Variants in INPP4A observed in about 807,000 individuals in gnomAD.
INPP4A encodes inositol polyphosphate-4-phosphatase type I A, also known as inositol polyphosphate-4-phosphatase, type I, 107kD.
Under a neutral mutation model 119.8 loss-of-function variants are expected in INPP4A, and 33 were observed. That is an observed-to-expected ratio of 0.28 (90% confidence interval 0.21 to 0.37). The LOEUF (loss-of-function observed/expected upper bound fraction) is 0.37. INPP4A is among the 10% of genes least tolerant of loss of function. INPP4A has a pLI of 1.00. For synonymous variants in INPP4A, 496 were observed against 500.7 expected (o/e 0.99, Z 0.12); for missense variants, 956 against 1,289.9 (o/e 0.74, Z 3.97).
At chr2:98,549,785 C>T (rs2106153218) in intron 13 of INPP4A, among the ~76,000 whole-genome samples, 1 of 152,264 alleles carries the variant, frequency 6.6e-6, no homozygotes, top group African/African-American at 2.4e-5. Flanking sequence ...CAACTTCCCC[C>T]TGGGGGTCCT....
chr2:98,589,561 C>T lies in INPP4A; in HGVS notation c.*1953C>T, dbSNP rs896851282. On this transcript the variant is annotated 3_prime_UTR_variant, in exon 25 of 25. Transcript: ENST00000409851. ...GTGACACCTTTATATGAATTATTTT[C>T]CCAATTTTTGCTCTATGTAATGGGT... 2 of 179,368 alleles carry T rather than the reference C, an allele frequency of 1.1e-5. No individual in the cohort carries two copies. The highest frequency in any genetic ancestry group is 2.4e-5 in the Non-Finnish European group (2 of 83,756). 11.1% of individuals were successfully genotyped at this position (179,368 alleles called of 1,614,324 possible).
chr2:98,517,031 T>A (rs1362997473), intron 1 of INPP4A, among the ~76,000 whole-genome samples: 1 of 152,130 alleles, frequency 6.6e-6, no homozygotes, highest in East Asian at 1.9e-4. Flanking sequence ...TTTCACACAG[T>A]AAAGTCTGTG....
At chr2:98,465,896 C>T (rs71429393) in intron 1 of INPP4A, among the ~76,000 whole-genome samples, 3,077 of 152,180 alleles carry the variant, frequency 0.02, 42 homozygotes, top group Middle Eastern at 0.071. Context: ...CACTCTAGCG[C>T]CCTCCCCCTT....
intron 1 of INPP4A, among the ~76,000 whole-genome samples, chr2:98,510,707 A>G (rs1358174234): frequency 1.3e-5 from 2 of 152,234 alleles, no homozygotes; most frequent in Non-Finnish European, 2.9e-5. Flanking sequence ...ATTGATGGCT[A>G]CATTTCAACA....
intron 13 of INPP4A, 191 bp from the exon 14 acceptor site, chr2:98,552,595 G>T: frequency 1.4e-6 from 1 of 721,982 alleles, no homozygotes; most frequent in Non-Finnish European, 2.5e-6. Context: ...AATATTTCAA[G>T]CTCCTGCCAT....
Position 98,546,095 on chromosome 2 carries a change from CTTG to C in INPP4A, c.1054+26_1054+28del. 6.7e-7 allele frequency: 1 copy of C among 1,485,728 alleles called. No individual in the cohort carries two copies. The highest frequency in any genetic ancestry group is 9.2e-7 in the Non-Finnish European group (1 of 1,085,072). The allele number at this position is 1,485,728 out of a possible 1,614,324, so 92.0% of individuals were successfully genotyped here. A position where few individuals can be genotyped will look rare whatever the true frequency, so the allele number is the denominator to read the frequency against. Reference sequence around the variant, plus strand: ...TCAGGTACCTATTTTTCTGCTCCCTCTTGTTGAATCACATTTCGCTGCTTTTCT... The same window carrying C: ...TCAGGTACCTATTTTTCTGCTCCCTCTTGAATCACATTTCGCTGCTTTTCT... On this transcript the variant is annotated intron_variant, in intron 12 of 24. Coordinates refer to ENST00000409851, the MANE Select transcript of INPP4A (RefSeq NM_001134225.2). The surrounding 1 kb of genome is among the most constrained non-coding windows in gnomAD (Gnocchi z 4.2).
intron 16 of INPP4A, among the ~76,000 whole-genome samples, chr2:98,556,529 G>A (rs1195495059): frequency 6.6e-6 from 1 of 152,202 alleles, no homozygotes; most frequent in Non-Finnish European, 1.5e-5. Context: ...AGATGTCTCC[G>A]CCTTTTCCTG....
chr2:98,549,321 T>G lies in INPP4A; in HGVS notation c.1163+2627T>G, dbSNP rs545354167. Reference sequence around the variant, plus strand: ...CTGGGTGCAGCTGGGAACTCCTGTCTTCTTATACAGGAGTCTTGTGGCTTT... The same window carrying G: ...CTGGGTGCAGCTGGGAACTCCTGTCGTCTTATACAGGAGTCTTGTGGCTTT... On this transcript the variant is annotated intron_variant, in intron 13 of 24. Transcript: ENST00000409851. Among the ~76,000 whole-genome samples, 369 of 152,272 alleles carry G rather than the reference T, an allele frequency of 2.4e-3. 2 individuals carry two copies. The highest frequency in any genetic ancestry group is 4.5e-3 in the Non-Finnish European group (304 of 68,024).
intron 13 of INPP4A, among the ~76,000 whole-genome samples, chr2:98,550,983 T>C (rs191438023): frequency 6.6e-6 from 1 of 151,676 alleles, no homozygotes; most frequent in Admixed American, 6.6e-5. Flanking sequence ...GGAGTCAGGG[T>C]CTTGCTCTGT....
chr2:98,560,945 T>A (rs1241184782), intron 17 of INPP4A, among the ~76,000 whole-genome samples: 1 of 152,242 alleles, frequency 6.6e-6, no homozygotes, highest in Non-Finnish European at 1.5e-5. Context: ...GTGTGTCAGC[T>A]GGGACATTTC....
At chr2:98,558,809 A>G (rs886634355) in intron 16 of INPP4A, among the ~76,000 whole-genome samples, 1 of 152,246 alleles carries the variant, frequency 6.6e-6, no homozygotes, top group Non-Finnish European at 1.5e-5. Flanking sequence ...GTGACTTAGT[A>G]TAGGTGAAAT....
intron 13 of INPP4A, among the ~76,000 whole-genome samples, chr2:98,552,339 G>T (rs1218562329): frequency 6.6e-6 from 1 of 152,006 alleles, no homozygotes; most frequent in South Asian, 2.1e-4. Context: ...GGTTGTTTGG[G>T]GACAAAGTCT....
intron 10 of INPP4A, among the ~76,000 whole-genome samples, chr2:98,542,274 C>A (rs1691615311): frequency 6.6e-6 from 1 of 152,262 alleles, no homozygotes; most frequent in Admixed American, 6.5e-5. Context: ...GCCCTACCTG[C>A]TCTGGGTGTC....
intron 1 of INPP4A, among the ~76,000 whole-genome samples, chr2:98,447,824 G>A (rs772877436): frequency 1.3e-5 from 2 of 152,012 alleles, no homozygotes; most frequent in East Asian, 1.9e-4. Context: ...GAGGCGGGCG[G>A]ATCACAAGAT....
intron 18 of INPP4A, 97 bp downstream of exon 18, chr2:98,563,734 G>T: frequency 8.3e-7 from 1 of 1,209,972 alleles, no homozygotes; most frequent in Non-Finnish European, 1.2e-6. Flanking sequence ...ACTTGTAAAA[G>T]ACCCCAGATG....
At chr2:98,484,253 A>G (rs3769733) in intron 1 of INPP4A, among the ~76,000 whole-genome samples, 36,892 of 151,640 alleles carry the variant, frequency 0.24, 4,626 homozygotes, top group Middle Eastern at 0.35. Flanking sequence ...TTCCTCTCCC[A>G]TGGTCATTCC....
Position 98,546,684 on chromosome 2 carries a change from A to T in INPP4A, c.1153A>T (p.Thr385Ser). ...LRKKLHKFEE[T>S]KKHTSSGCQS... Reference sequence around the variant, plus strand: ...CAAAAAGCTGCACAAATTTGAAGAGACCAAGAAACAGTAAGTAGCCAGAGA... The same window carrying T: ...CAAAAAGCTGCACAAATTTGAAGAGTCCAAGAAACAGTAAGTAGCCAGAGA... The change falls in exon 13 of 25, where the codon ACC (threonine) becomes TCC (serine). Residue 385 changes from threonine (T) to serine (S), a missense_variant. Around this residue, in one of 2 missense-constraint regions of INPP4A, gnomAD observed 652 missense variants for 797.9 expected, o/e 0.82. Coordinates refer to ENST00000409851, the MANE Select transcript of INPP4A (RefSeq NM_001134225.2). This position sits in a 1 kb window ranked among gnomAD's most constrained non-coding sequence, Gnocchi z 4.2. 1 of 1,600,906 alleles carries T rather than the reference A, an allele frequency of 6.2e-7. No homozygotes were observed. Among genetic ancestry groups the T allele is most frequent in the South Asian group, 1.1e-5 (1 of 90,840 alleles).
rs1032607612 is a variant in INPP4A at position 98,587,756 on chromosome 2, C to CA, written c.*149dup. Reference sequence around the variant, plus strand: ...ACATTTCACTAAAGAGTCTCTGGAGCATGTTTTTTGTTTTTTGGGTTTTTT... The same window carrying CA: ...ACATTTCACTAAAGAGTCTCTGGAGCAATGTTTTTTGTTTTTTGGGTTTTTT... On this transcript the variant is annotated 3_prime_UTR_variant, in exon 25 of 25. Transcript: ENST00000409851. 8.5e-5 allele frequency: 57 copies of CA among 671,228 alleles called. 1 individual carries two copies. The highest frequency in any genetic ancestry group is 2.3e-5 in the Non-Finnish European group (10 of 427,922). 41.6% of individuals were successfully genotyped at this position (671,228 alleles called of 1,614,324 possible). A position where few individuals can be genotyped will look rare whatever the true frequency, so the allele number is the denominator to read the frequency against.
chr2:98,503,043 C>A (rs1395601902), intron 1 of INPP4A, among the ~76,000 whole-genome samples: 1 of 152,142 alleles, frequency 6.6e-6, no homozygotes, highest in African/African-American at 2.4e-5. Context: ...AAACGAGTTG[C>A]CCTTTATGTG....
Sources: allele counts gnomAD v4.1 joint callset (sites outside exome capture counted in the v4.1 genomes callset), GRCh38; gene constraint gnomAD v4.1.1; regional missense constraint gnomAD v4.1.1; non-coding constraint Gnocchi (gnomAD v3.1); transcripts MANE v1.5; gene names NCBI Gene and HGNC (gene_info 2026-07-23, HGNC 2026-07-21).